The following TC2N variants were observed in gnomAD, a reference collection of about 807,000 sequenced individuals.
TC2N encodes tandem C2 domains, nuclear, also known as tandem C2 domains nuclear protein.
A neutral mutation model predicts 61.9 loss-of-function variants in TC2N; 51 were observed. The ratio of observed to expected loss-of-function variants is 0.82; its 90% CI spans 0.66 to 1.04. TC2N has a LOEUF of 1.04. Ranked by LOEUF, TC2N falls within the 50% of genes least tolerant of loss-of-function variation. The probability of loss-of-function intolerance (pLI) is 0.00; values close to 1 mark genes in which losing one functional copy is unlikely to be tolerated. For missense variants in TC2N, 556 were observed against 566.7 expected, an observed-to-expected ratio of 0.98 and a Z score of 0.19; for synonymous variants, 204 against 192.6, an observed-to-expected ratio of 1.06 and a Z score of -0.49.
At chr14:91,841,860 C>T (rs957043946) in intron 1 of TC2N, among the ~76,000 whole-genome samples, 1 of 152,128 alleles carries the variant, frequency 6.6e-6, no homozygotes, top group Non-Finnish European at 1.5e-5. Flanking sequence ...GTCCCATTAT[C>T]AGTAAGACTC....
intron 10 of TC2N, among the ~76,000 whole-genome samples, chr14:91,787,309 T>A (rs1209537652): frequency 6.6e-6 from 1 of 152,122 alleles, no homozygotes; most frequent in African/African-American, 2.4e-5. Flanking sequence ...AGAGAGGTCA[T>A]AACTGGATAA....
chr14:91,807,915 A>T (rs1886589786), intron 3 of TC2N, among the ~76,000 whole-genome samples: 1 of 152,138 alleles, frequency 6.6e-6, no homozygotes, highest in South Asian at 2.1e-4. Flanking sequence ...GACACCTGGT[A>T]GGAGATAATT....
intron 1 of TC2N, among the ~76,000 whole-genome samples, chr14:91,825,564 C>T (rs1012491695): frequency 3.9e-5 from 6 of 152,206 alleles, no homozygotes; most frequent in African/African-American, 1.4e-4. Context: ...TTCTCTTGCT[C>T]ATCTTCCACT....
At chr14:91,817,696 T>C (rs1367106431) in intron 1 of TC2N, among the ~76,000 whole-genome samples, 1 of 152,042 alleles carries the variant, frequency 6.6e-6, no homozygotes, top group African/African-American at 2.4e-5. Context: ...ACATTAACCA[T>C]GACAGGAATG....
chr14:91,819,943 T>A (rs11844658), intron 1 of TC2N, among the ~76,000 whole-genome samples: 2,965 of 151,904 alleles, frequency 0.02, 97 homozygotes, highest in African/African-American at 0.067. Flanking sequence ...ATGGAATAAT[T>A]TTAAAATACT....
intron 1 of TC2N, among the ~76,000 whole-genome samples, chr14:91,828,537 T>G (rs1263863694): frequency 6.6e-5 from 10 of 152,026 alleles, no homozygotes. Flanking sequence ...ATCTATAATT[T>G]CCTCATATTA....
intron 4 of TC2N, among the ~76,000 whole-genome samples, chr14:91,800,953 T>TAC (rs1006690182): frequency 6.6e-6 from 1 of 151,370 alleles, no homozygotes; most frequent in East Asian, 1.9e-4. Flanking sequence ...TATATATATA[T>TAC]ACACACACAC....
chr14:91,824,296 G>A (rs1347072677), intron 1 of TC2N, among the ~76,000 whole-genome samples: 5 of 152,180 alleles, frequency 3.3e-5, no homozygotes, highest in Non-Finnish European at 5.9e-5. Flanking sequence ...GCTCATGCAC[G>A]ACAAGTTGTT....
At chr14:91,787,197 G>A (rs1324508842) in intron 10 of TC2N, among the ~76,000 whole-genome samples, 1 of 152,104 alleles carries the variant, frequency 6.6e-6, no homozygotes, top group Non-Finnish European at 1.5e-5. Flanking sequence ...CACAGACCTA[G>A]AGAGAGGATA....
At chr14:91,850,537 C>T (rs1204241870) in intron 1 of TC2N, among the ~76,000 whole-genome samples, 1 of 152,220 alleles carries the variant, frequency 6.6e-6, no homozygotes, top group African/African-American at 2.4e-5. Flanking sequence ...CACCTGAGCT[C>T]TGCCTCCTGT....
intron 1 of TC2N, among the ~76,000 whole-genome samples, chr14:91,846,251 T>G (rs984386597): frequency 6.6e-6 from 1 of 152,188 alleles, no homozygotes; most frequent in Non-Finnish European, 1.5e-5. Context: ...AACATCTTAT[T>G]GGGGTTCTAT....
chr14:91,821,748 C>T (rs1887263883), intron 1 of TC2N, among the ~76,000 whole-genome samples: 1 of 152,040 alleles, frequency 6.6e-6, no homozygotes. Context: ...GCATATCACA[C>T]ATCCAATAAA....
chr14:91,792,624 T>A (rs1163409352), intron 8 of TC2N, 66 bp from the exon 9 acceptor site: 10 of 691,456 alleles, frequency 1.4e-5, no homozygotes, highest in Admixed American at 3.4e-5. Context: ...TACAAAATAA[T>A]ATTTTATTTT....
At chr14:91,793,812 C>A (rs1885775101) in intron 8 of TC2N, among the ~76,000 whole-genome samples, 1 of 152,134 alleles carries the variant, frequency 6.6e-6, no homozygotes, top group Non-Finnish European at 1.5e-5. Flanking sequence ...CTAAAATGCC[C>A]TCTAAGTGTT....
chr14:91,836,308 T>A (rs990331803), intron 1 of TC2N: 13 of 151,488 alleles, frequency 8.6e-5, no homozygotes, highest in African/African-American at 3.2e-4. Flanking sequence ...CCCGCCGCCC[T>A]CCTCCGGGTC....
At chr14:91,820,661 A>C (rs892910189) in intron 1 of TC2N, among the ~76,000 whole-genome samples, 4 of 151,824 alleles carry the variant, frequency 2.6e-5, no homozygotes, top group Non-Finnish European at 5.9e-5. Context: ...GGAAATCAAG[A>C]AGTAAAACAC....
At chr14:91,803,216 A>C (rs1419871917) in intron 3 of TC2N, among the ~76,000 whole-genome samples, 1 of 152,032 alleles carries the variant, frequency 6.6e-6, no homozygotes, top group Non-Finnish European at 1.5e-5. Flanking sequence ...GATATTCACA[A>C]AAAAATTAGT....
chr14:91,857,203 A>T (rs990830143), intron 1 of TC2N, among the ~76,000 whole-genome samples: 41 of 152,182 alleles, frequency 2.7e-4, no homozygotes, highest in South Asian at 2.1e-4. Flanking sequence ...TTCTGGAAGC[A>T]TTCTCAACAA....
At chr14:91,850,988 C>A (rs181199091) in intron 1 of TC2N, among the ~76,000 whole-genome samples, 70 of 152,286 alleles carry the variant, frequency 4.6e-4, no homozygotes, top group Non-Finnish European at 8.7e-4. Context: ...TCTCACCACC[C>A]TCAGGTGGGA....
Sources: gnomAD v4.1 joint callset for allele counts (sites outside exome capture counted in the v4.1 genomes callset) on GRCh38, gnomAD v4.1.1 for gene constraint, MANE v1.5 for transcripts, NCBI Gene and HGNC (gene_info 2026-07-23, HGNC 2026-07-21) for gene names.